The following TEKT1 variants were observed in gnomAD, a reference collection of about 807,000 sequenced individuals.
The protein encoded by TEKT1 is tektin 1.
Under a neutral mutation model 34.8 loss-of-function variants are expected in TEKT1, and 32 were observed. The observed-to-expected ratio is 0.92, with a 90% CI of 0.69 to 1.23. The LOEUF (loss-of-function observed/expected upper bound fraction) is 1.23. TEKT1 is among the 50% of genes most tolerant of loss of function. The pLI, the probability that TEKT1 is intolerant of heterozygous loss-of-function variation, is 0.00. For missense variants in TEKT1, 492 were observed against 518.5 expected (o/e 0.95, Z 0.50); for synonymous variants, 207 against 199.8 (o/e 1.04, Z -0.30).
In TEKT1 at chr17:6,800,836, C is replaced by G. The variant is rs756471744; in HGVS notation, c.960G>C (p.Arg320Ser). The G allele has an allele frequency of 1.2e-6, 2 of 1,614,148 alleles. No homozygotes were observed. Among genetic ancestry groups the G allele is most frequent in the Non-Finnish European group, 1.7e-6 (2 of 1,180,020 alleles). The change falls in exon 7 of 8, where the codon AGG (arginine) becomes AGC (serine). Residue 320 changes from arginine to serine, a missense_variant. Coordinates refer to ENST00000338694, the MANE Select transcript of TEKT1 (RefSeq NM_053285.2). ...ACAGCTCCACGTTCGGCCGGTGTGT[C>G]CTGGTCTCCAAGCGCGTATGAGCCA... ...AKVAHTRLETRTHRPNVELCR... is the reference protein window; with the variant it reads ...AKVAHTRLETSTHRPNVELCR...
At chr17:6,827,148 T>C (rs1213832587) in intron 2 of TEKT1, among the ~76,000 whole-genome samples, 1 of 152,134 alleles carries the variant, frequency 6.6e-6, no homozygotes, top group East Asian at 1.9e-4. Flanking sequence ...GGTCAACAGG[T>C]CTATCCTCAC....
Position 6,812,846 on chromosome 17 carries a change from A to T in TEKT1, c.837T>A (p.Ala279=). Residue 279 remains alanine, a synonymous_variant, in exon 6 of 8, where the codon GCT becomes GCA. Coordinates refer to ENST00000338694, the MANE Select transcript of TEKT1 (RefSeq NM_053285.2). The stretch of plus-strand genomic sequence containing the variant: ...GGGACCTCACCTTGGCCAGATGATC[A>T]GCCAGCTTGTCCCTGGCATCCTTTG... ...KDTKDARDKL[A]DHLAKVMEEI... The T allele has an allele frequency of 6.2e-7, 1 of 1,613,808 alleles. No individual in the cohort carries two copies. Among genetic ancestry groups the T allele is most frequent in the Non-Finnish European group, 8.5e-7 (1 of 1,179,904 alleles).
chr17:6,812,630 G>A (rs141385302), intron 6 of TEKT1, among the ~76,000 whole-genome samples: 50 of 152,332 alleles, frequency 3.3e-4, no homozygotes, highest in Non-Finnish European at 6.3e-4. Context: ...TGGAGGCCCA[G>A]AGTGGGGCAA....
intron 6 of TEKT1, among the ~76,000 whole-genome samples, chr17:6,810,458 G>C (rs1273580699): frequency 1.3e-5 from 2 of 152,122 alleles, no homozygotes; most frequent in Admixed American, 1.3e-4. Flanking sequence ...AATTTTAAAT[G>C]GTTGGGGAGA....
chr17:6,818,364 G>A (rs771578888), intron 3 of TEKT1, among the ~76,000 whole-genome samples: 16 of 152,204 alleles, frequency 1.1e-4, no homozygotes, highest in South Asian at 4.1e-4. Context: ...CTAGGTCTGC[G>A]GCAGAACCCA....
At chr17:6,810,843 A>T (rs996699611) in intron 6 of TEKT1, among the ~76,000 whole-genome samples, 19 of 152,098 alleles carry the variant, frequency 1.2e-4, no homozygotes, top group Admixed American at 6.5e-4. Flanking sequence ...GGTTCAAGCG[A>T]TTCTCCTGCC....
At position 6,815,725 on chromosome 17, in the gene TEKT1, G is replaced by A. The variant is rs113813807; in HGVS notation, c.485+109C>T. Reference sequence around the variant, plus strand: ...CAATCTGGGGACACAAAGTGGGAGCGGGAATGTTGAACCCCTTTCTTTCTG... The same window carrying A: ...CAATCTGGGGACACAAAGTGGGAGCAGGAATGTTGAACCCCTTTCTTTCTG... On this transcript the variant is annotated intron_variant, in intron 4 of 7. Coordinates refer to ENST00000338694, the MANE Select transcript of TEKT1 (RefSeq NM_053285.2). 6.3e-3 allele frequency: 9,349 copies of A among 1,492,418 alleles called. 466 individuals carry two copies. The African/African-American group carries it at 0.11, about 18-fold the overall frequency. The allele number at this position is 1,492,418 out of a possible 1,614,324, so 92.4% of individuals were successfully genotyped here.
Position 6,799,918 on chromosome 17 carries a change from A to T in TEKT1, c.*109T>A. 1.9e-6 allele frequency: 2 copies of T among 1,061,544 alleles called. No individual in the cohort carries two copies. Among genetic ancestry groups the T allele is most frequent in the Non-Finnish European group, 2.7e-6 (2 of 750,318 alleles). The allele number at this position is 1,061,544 out of a possible 1,614,324, so 65.8% of individuals were successfully genotyped here. Reference sequence around the variant, plus strand: ...GAGCAGGCTTGGAATGCCAGCCAAGAGGTTGCAGCAGGCTGGCTAGAGGCC... The same window carrying T: ...GAGCAGGCTTGGAATGCCAGCCAAGTGGTTGCAGCAGGCTGGCTAGAGGCC... On this transcript the variant is annotated 3_prime_UTR_variant, in exon 8 of 8. Coordinates refer to ENST00000338694, the MANE Select transcript of TEKT1 (RefSeq NM_053285.2).
intron 6 of TEKT1, among the ~76,000 whole-genome samples, chr17:6,808,616 A>G (rs892243422): frequency 3.3e-5 from 5 of 152,112 alleles, no homozygotes; most frequent in African/African-American, 1.2e-4. Context: ...CTCCACCCCT[A>G]TTTAAATTAT....
chr17:6,824,575 TTC>T (rs2151591195), intron 2 of TEKT1, among the ~76,000 whole-genome samples: 1 of 152,344 alleles, frequency 6.6e-6, no homozygotes, highest in African/African-American at 2.4e-5. Context: ...CGAGCACCTT[TTC>T]TCTCCATCTT....
At chr17:6,809,422 G>A (rs1358603736) in intron 6 of TEKT1, among the ~76,000 whole-genome samples, 1 of 152,070 alleles carries the variant, frequency 6.6e-6, no homozygotes. Flanking sequence ...AGTAGAGACA[G>A]GGTTTCGCTG....
rs200472307 is a variant in TEKT1, at chr17:6,809,224, TTTTG to T, written c.852+3603_852+3606del. On this transcript the variant is annotated intron_variant, in intron 6 of 7. Coordinates refer to ENST00000338694, the MANE Select transcript of TEKT1 (RefSeq NM_053285.2). ...CTCTTTGTGTTGTACAATCTATGAG[TTTTG>T]TTTGTTTGTTTGCTTTTGTTTTTTA... Among the ~76,000 whole-genome samples, 1,185 of 152,084 alleles carry T rather than the reference TTTTG, an allele frequency of 7.8e-3. 20 individuals carry two copies. Among genetic ancestry groups the T allele is most frequent in the African/African-American group, 0.028 (1,143 of 41,480 alleles).
rs1034554398 is a variant in TEKT1, at chr17:6,798,165, A to C, written c.*1862T>G. ...TTATCTCGCCAATCTAGGCTTTATTAGTCTTATTTACAGATTAGGCAACTG... is the reference window on the plus strand; with the variant it reads ...TTATCTCGCCAATCTAGGCTTTATTCGTCTTATTTACAGATTAGGCAACTG... On this transcript the variant is annotated 3_prime_UTR_variant, in exon 8 of 8. Transcript: ENST00000338694. 1 of 152,188 alleles carries C rather than the reference A, an allele frequency of 6.6e-6. No individual in the cohort carries two copies. The highest frequency in any genetic ancestry group is 1.5e-5 in the Non-Finnish European group (1 of 68,050). 9.4% of individuals were successfully genotyped at this position (152,188 alleles called of 1,614,324 possible). A position where few individuals can be genotyped will look rare whatever the true frequency, so the allele number is the denominator to read the frequency against.
chr17:6,819,278 G>T lies in TEKT1; in HGVS notation c.271C>A (p.Leu91Ile). Residue 91 changes from leucine to isoleucine, a missense_variant, in exon 3 of 8, where the codon CTA (leucine) becomes ATA (isoleucine). Physicochemically the swap from Leu to Ile is conservative, Grantham distance 5. Coordinates refer to ENST00000338694, the MANE Select transcript of TEKT1 (RefSeq NM_053285.2). ...TCCAATCTGATCTTATATATGAGTA[G>T]ATCATCAGTTACATTCACAAGCTGC... ...LEQLVNVTDD[L>I]LIYKIRLEKA... 1 of 1,614,042 alleles carries T rather than the reference G, an allele frequency of 6.2e-7. No homozygotes were observed. Among genetic ancestry groups the T allele is most frequent in the Non-Finnish European group, 8.5e-7 (1 of 1,179,990 alleles).
At chr17:6,821,463 T>G (rs1038535942) in intron 2 of TEKT1, among the ~76,000 whole-genome samples, 5 of 152,348 alleles carry the variant, frequency 3.3e-5, no homozygotes, top group African/African-American at 4.8e-5. Flanking sequence ...TCCCTAGCCA[T>G]GTGGAACTGT....
Position 6,812,875 on chromosome 17 carries a change from C to T in TEKT1, c.808G>A (p.Asp270Asn), listed in dbSNP as rs1318361841. 1.9e-6 allele frequency: 3 copies of T among 1,614,064 alleles called. No homozygotes were observed. The highest frequency in any genetic ancestry group is 3.3e-5 in the Admixed American group (2 of 60,012). Residue 270 changes from aspartate to asparagine, a missense_variant, in exon 6 of 8, where the codon GAT becomes AAT. By Grantham distance (23) the Asp-to-Asn change is conservative. Coordinates refer to ENST00000338694, the MANE Select transcript of TEKT1 (RefSeq NM_053285.2). The stretch of plus-strand genomic sequence containing the variant: ...AGCTTGTCCCTGGCATCCTTTGTAT[C>T]CTTCAGCCCATTCTTGAATGCCGTG... ...VDTAFKNGLK[D>N]TKDARDKLAD...
chr17:6,818,217 G>C (rs994431159), intron 3 of TEKT1, among the ~76,000 whole-genome samples: 4 of 152,118 alleles, frequency 2.6e-5, no homozygotes. Flanking sequence ...AAGCCATTGG[G>C]GTTTGAAGGA....
At chr17:6,800,974 A>G (rs759072583) in intron 6 of TEKT1, 31 bp from the exon 7 acceptor site, 1 of 1,584,426 alleles carries the variant, frequency 6.3e-7, no homozygotes, top group Non-Finnish European at 8.6e-7. Flanking sequence ...AGGTGAGGCC[A>G]AGCTGTGCTC....
chr17:6,807,232 T>G (rs543424545), intron 6 of TEKT1, among the ~76,000 whole-genome samples: 40 of 152,358 alleles, frequency 2.6e-4, no homozygotes, highest in Non-Finnish European at 5.1e-4. Flanking sequence ...CTTCCATCAC[T>G]GATACCCTTT....
Sources: allele counts gnomAD v4.1 joint callset (sites outside exome capture counted in the v4.1 genomes callset), GRCh38; gene constraint gnomAD v4.1.1; transcripts MANE v1.5; gene names NCBI Gene and HGNC (gene_info 2026-07-23, HGNC 2026-07-21).